CUX2: variants seen among roughly 807,000 people sequenced by gnomAD.
CUX2 encodes the protein cut like homeobox 2, also known as homeobox protein cut-like 2.
A neutral mutation model predicts 144.8 loss-of-function variants in CUX2; 40 were observed. The ratio of observed to expected loss-of-function variants is 0.28; its 90% CI spans 0.21 to 0.36. CUX2 has a LOEUF of 0.36. Ranked by LOEUF, CUX2 falls within the 10% of genes least tolerant of loss-of-function variation. CUX2 has a pLI of 1.00. For missense variants in CUX2, 1,615 were observed against 1,994.0 expected (o/e 0.81, Z 3.62); for synonymous variants, 827 against 875.6 (o/e 0.94, Z 0.98).
At position 111,341,445 on chromosome 12, in the gene CUX2, C is replaced by T. The variant is rs191165542; in HGVS notation, c.3386-335C>T. Among the ~76,000 whole-genome samples, 196 of 152,300 alleles carry T rather than the reference C, an allele frequency of 1.3e-3. 1 individual carries two copies. The highest frequency in any genetic ancestry group is 4.6e-3 in the African/African-American group (191 of 41,552). ...CGCTGTACTCCAGGCTGGGTGACAG[C>T]GTGAGACCTTGTCTCTACAAAAACA... On this transcript the variant is annotated intron_variant, in intron 20 of 21. Transcript: ENST00000261726.
chr12:111,069,999 G>A (rs1005032421), intron 1 of CUX2, among the ~76,000 whole-genome samples: 1 of 152,190 alleles, frequency 6.6e-6, no homozygotes, highest in Non-Finnish European at 1.5e-5. Flanking sequence ...CCTGTGATGA[G>A]GATGGGAGGG....
intron 16 of CUX2, among the ~76,000 whole-genome samples, chr12:111,316,639 G>A (rs1887210540): frequency 4.0e-5 from 6 of 151,790 alleles, no homozygotes; most frequent in Admixed American, 3.3e-4. Context: ...TAGTAGAGAC[G>A]GGGTTTCACC....
rs550226986 is a variant in CUX2, at chr12:111,222,574, A to G, written c.222+4637A>G. 4.0e-4 allele frequency among the ~76,000 whole-genome samples: 61 copies of G among 152,336 alleles called. No homozygotes were observed. The South Asian group carries it at 0.012, about 30-fold the overall frequency. ...TGGGCTGACCTGGCCTCTGACACCC[A>G]GGAGAGGTTAGACACCTGTGGTCTG... On this transcript the variant is annotated intron_variant, in intron 3 of 21. Transcript: ENST00000261726.
rs571282751 is a variant in CUX2, at chr12:111,328,357, C to T, written c.2926+5777C>T. On this transcript the variant is annotated intron_variant, in intron 18 of 21. Coordinates refer to ENST00000261726, the MANE Select transcript of CUX2 (RefSeq NM_015267.4). ...GTTACTGAAGTTGAGCCAGATGCCA[C>T]GGGAGGGTTATAAAGCACGCCCTTA... is the stretch of plus-strand genomic sequence containing the variant. Among the ~76,000 whole-genome samples the T allele has an allele frequency of 1.4e-4, 21 of 152,280 alleles. No individual in the cohort carries two copies. In the South Asian group the frequency reaches 1.5e-3, roughly 11 times the overall value.
rs570130339 is a variant in CUX2 at position 111,287,981 on chromosome 12, C to T, written c.302-3437C>T. ...AACATGCAGTCTGGCCTTGCCTTGT[C>T]GAGTTTGCAGTCCAGTGGGTGTTAA... is the stretch of plus-strand genomic sequence containing the variant. On this transcript the variant is annotated intron_variant, in intron 4 of 21. Coordinates refer to ENST00000261726, the MANE Select transcript of CUX2 (RefSeq NM_015267.4). This position sits in a 1 kb window ranked among gnomAD's most constrained non-coding sequence, Gnocchi z 4.2. 2.0e-5 allele frequency among the ~76,000 whole-genome samples: 3 copies of T among 152,272 alleles called. No individual in the cohort carries two copies. Among genetic ancestry groups the T allele is most frequent in the South Asian group, 2.1e-4 (1 of 4,826 alleles).
intron 16 of CUX2, among the ~76,000 whole-genome samples, chr12:111,315,486 AG>A (rs1887142197): frequency 1.3e-5 from 2 of 152,242 alleles, no homozygotes; most frequent in African/African-American, 2.4e-5. Flanking sequence ...TGGAAGGCCA[AG>A]ACAGATGGAT....
At chr12:111,102,302 C>T (rs1435340480) in intron 1 of CUX2, among the ~76,000 whole-genome samples, 11 of 152,212 alleles carry the variant, frequency 7.2e-5, no homozygotes, top group Admixed American at 5.2e-4. Context: ...GGGAGCCAGC[C>T]GACAAGGAAG....
intron 1 of CUX2, among the ~76,000 whole-genome samples, chr12:111,088,835 G>A (rs934582533): frequency 1.3e-5 from 2 of 152,214 alleles, no homozygotes; most frequent in Non-Finnish European, 2.9e-5. Flanking sequence ...GACATGAGAT[G>A]TCCGACCGGG....
At position 111,059,496 on chromosome 12, in the gene CUX2, C is replaced by A. The variant is rs78603264; in HGVS notation, c.63+25256C>A. Among the ~76,000 whole-genome samples, 1 of 152,136 alleles carries A rather than the reference C, an allele frequency of 6.6e-6. No homozygotes were observed. Among genetic ancestry groups the A allele is most frequent in the Non-Finnish European group, 1.5e-5 (1 of 68,022 alleles). ...TGGACCATTTTGTTTTCTATGAGGG[C>A]CCCATTGATGCCTCAGTTTCCCTCA... On this transcript the variant is annotated intron_variant, in intron 1 of 21. Transcript: ENST00000261726. This position sits in a 1 kb window ranked among gnomAD's most constrained non-coding sequence, Gnocchi z 5.3.
chr12:111,326,590 T>C (rs115517589), intron 18 of CUX2, among the ~76,000 whole-genome samples: 2,092 of 152,038 alleles, frequency 0.014, 48 homozygotes, highest in African/African-American at 0.048. Flanking sequence ...AGGTTTTAAC[T>C]AACTTTTTTA....
Position 111,320,164 on chromosome 12 carries a change from AG to A in CUX2, c.2159del (p.Gly720AlafsTer26). 1 of 1,541,738 alleles carries A rather than the reference AG, an allele frequency of 6.5e-7. No individual in the cohort carries two copies. ...QALLEMEVAP[R>X]GRSVPPSPPE... is the part of the protein sequence containing the mutation. ...GCTGCTGGAGATGGAGGTGGCGCCCAGGGGCCGCTCGGTGCCCCCCTCGCCC... is the reference window on the plus strand; with the variant it reads ...GCTGCTGGAGATGGAGGTGGCGCCCAGGGCCGCTCGGTGCCCCCCTCGCCC... On this transcript the variant is annotated frameshift_variant, in exon 17 of 22. Coordinates refer to ENST00000261726, the MANE Select transcript of CUX2 (RefSeq NM_015267.4). LOFTEE classifies it high-confidence loss of function. The surrounding 1 kb of genome is among the most constrained non-coding windows in gnomAD (Gnocchi z 8.1).
intron 21 of CUX2, among the ~76,000 whole-genome samples, chr12:111,346,197 T>C (rs1888798446): frequency 6.7e-6 from 1 of 148,872 alleles, no homozygotes; most frequent in Admixed American, 6.7e-5. Flanking sequence ...ATAAACAGGC[T>C]GGGTGCGGTG....
rs1885553455 is a variant in CUX2, at chr12:111,289,242, C to T, written c.302-2176C>T. ...CCTTGGTCTATATCCAGGACCCTGG[C>T]TTTCCTGGGTGCCATGGACACCATC... On this transcript the variant is annotated intron_variant, in intron 4 of 21. Coordinates refer to ENST00000261726, the MANE Select transcript of CUX2 (RefSeq NM_015267.4). This position sits in a 1 kb window ranked among gnomAD's most constrained non-coding sequence, Gnocchi z 4.1. 6.6e-6 allele frequency among the ~76,000 whole-genome samples: 1 copy of T among 152,220 alleles called. No homozygotes were observed. The highest frequency in any genetic ancestry group is 1.5e-5 in the Non-Finnish European group (1 of 68,052).
intron 3 of CUX2, among the ~76,000 whole-genome samples, chr12:111,230,280 G>A (rs569369581): frequency 1.3e-5 from 2 of 152,226 alleles, no homozygotes; most frequent in South Asian, 2.1e-4. Context: ...ACCAAAGTGG[G>A]ACTCACAGGT....
chr12:111,142,954 G>A lies in CUX2; in HGVS notation c.64-71246G>A, dbSNP rs114663730. On this transcript the variant is annotated intron_variant, in intron 1 of 21. Coordinates refer to ENST00000261726, the MANE Select transcript of CUX2 (RefSeq NM_015267.4). ...ATCTGAGATCCATGTGTATTAGATC[G>A]CCTTTTCTCCGAGTGCCTAGAAGGT... Among the ~76,000 whole-genome samples, 886 of 152,248 alleles carry A rather than the reference G, an allele frequency of 5.8e-3. 9 individuals are homozygous for A. Among genetic ancestry groups the A allele is most frequent in the African/African-American group, 0.02 (836 of 41,538 alleles).
chr12:111,099,617 C>G (rs1253601264), intron 1 of CUX2: 1 of 456,596 alleles, frequency 2.2e-6, no homozygotes, highest in East Asian at 6.9e-5. Flanking sequence ...AGGATTGGAC[C>G]TGCAGGGATC....
chr12:111,322,751 G>T lies in CUX2; in HGVS notation c.2926+171G>T, dbSNP rs1887598770. ...CTGGAACATGGCGGGGGGTCCTGGG[G>T]TTTCTCTGCTCCCCTTTCTTCCTTC... On this transcript the variant is annotated intron_variant, in intron 18 of 21. Transcript: ENST00000261726. The surrounding 1 kb of genome is among the most constrained non-coding windows in gnomAD (Gnocchi z 4.2). Among the ~76,000 whole-genome samples the T allele has an allele frequency of 6.6e-6, 1 of 152,190 alleles. No individual in the cohort carries two copies. Among genetic ancestry groups the T allele is most frequent in the South Asian group, 2.1e-4 (1 of 4,832 alleles).
intron 1 of CUX2, among the ~76,000 whole-genome samples, chr12:111,112,553 T>C (rs1445072263): frequency 6.6e-6 from 1 of 151,590 alleles, no homozygotes; most frequent in Non-Finnish European, 1.5e-5. Flanking sequence ...ATCATGGAGG[T>C]GTGACACAGG....
chr12:111,331,179 A>G (rs763995888), intron 18 of CUX2, among the ~76,000 whole-genome samples: 8 of 151,970 alleles, frequency 5.3e-5, no homozygotes, highest in Non-Finnish European at 1.0e-4. Context: ...ACAAGGGGCA[A>G]TGGGGAGCCA....
Sources: allele counts gnomAD v4.1 joint callset (sites outside exome capture counted in the v4.1 genomes callset), GRCh38; gene constraint gnomAD v4.1.1; non-coding constraint Gnocchi (gnomAD v3.1); transcripts MANE v1.5; gene names NCBI Gene and HGNC (gene_info 2026-07-23, HGNC 2026-07-21).